Variants in FGF14 observed in about 807,000 individuals in gnomAD.
FGF14 encodes fibroblast growth factor 14.
In FGF14, 5 loss-of-function variants were observed where a neutral mutation model predicts 25.5. The observed-to-expected ratio is 0.20, with a 90% CI of 0.10 to 0.41. The LOEUF (loss-of-function observed/expected upper bound fraction) is 0.41. Among genes scored for constraint, FGF14 ranks in the 10% least tolerant of loss-of-function variants. FGF14 has a pLI of 1.00. For missense variants in FGF14, 222 were observed against 320.1 expected, an observed-to-expected ratio of 0.69 and a Z score of 2.34; for synonymous variants, 138 against 118.3, an observed-to-expected ratio of 1.17 and a Z score of -1.08.
chr13:102,160,816 A>C (rs981554643), intron 1 of FGF14, among the ~76,000 whole-genome samples: 5 of 152,220 alleles, frequency 3.3e-5, no homozygotes, highest in African/African-American at 9.6e-5. Flanking sequence ...TTGGTGGCAA[A>C]AAAAAACAGT....
At chr13:101,961,167 CT>C (rs2036833478) in intron 1 of FGF14, among the ~76,000 whole-genome samples, 1 of 152,154 alleles carries the variant, frequency 6.6e-6, no homozygotes, top group African/African-American at 2.4e-5. Context: ...GTTTCTTTCA[CT>C]GTGCAGAAGC....
chr13:102,166,386 T>A (rs1412113342), intron 1 of FGF14, among the ~76,000 whole-genome samples: 1 of 152,050 alleles, frequency 6.6e-6, no homozygotes, highest in Non-Finnish European at 1.5e-5. Flanking sequence ...CTTGCGGGAC[T>A]TTCTCCGTCA....
chr13:101,964,075 C>A (rs2037035367), intron 1 of FGF14, among the ~76,000 whole-genome samples: 1 of 152,072 alleles, frequency 6.6e-6, no homozygotes, highest in Non-Finnish European at 1.5e-5. Context: ...ATCTTAAAAC[C>A]ACGATTTTCT....
Position 101,720,530 on chromosome 13 carries a change from CTG to C in FGF14, c.*2299_*2300del, listed in dbSNP as rs56200654. The C allele has an allele frequency of 0.29, 43,165 of 147,400 alleles. 6,546 individuals are homozygous for C. Among genetic ancestry groups the C allele is most frequent in the East Asian group, 0.45 (2,228 of 4,920 alleles). 9.1% of individuals were successfully genotyped at this position (147,400 alleles called of 1,614,324 possible). A position where few individuals can be genotyped will look rare whatever the true frequency, so the allele number is the denominator to read the frequency against. On this transcript the variant is annotated 3_prime_UTR_variant, in exon 5 of 5. Coordinates refer to ENST00000376143, the MANE Select transcript of FGF14 (RefSeq NM_004115.4). ...TAACAAATAGATGGGGGTGTTTGCT[CTG>C]TGTGTGTGTGTGTGTGTGTGTGTGT... is the stretch of plus-strand genomic sequence containing the variant.
At chr13:102,163,586 G>C (rs900261837) in intron 1 of FGF14, among the ~76,000 whole-genome samples, 6 of 152,106 alleles carry the variant, frequency 3.9e-5, no homozygotes, top group Non-Finnish European at 7.4e-5. Context: ...GAAATCTCTG[G>C]GGGGTTCTCA....
At chr13:102,006,416 A>G (rs2039788018) in intron 1 of FGF14, among the ~76,000 whole-genome samples, 1 of 152,218 alleles carries the variant, frequency 6.6e-6, no homozygotes, top group South Asian at 2.1e-4. Flanking sequence ...GTTAACCACA[A>G]GGTAGATCTG....
intron 3 of FGF14, among the ~76,000 whole-genome samples, chr13:101,830,451 CAAG>C (rs1445658886): frequency 2.0e-5 from 3 of 151,944 alleles, no homozygotes; most frequent in African/African-American, 7.3e-5. Context: ...CAGTATGAGA[CAAG>C]AAGGACTAAA....
rs9634529 is a variant in FGF14 at position 102,117,757 on chromosome 13, T to C, written c.209-242461A>G. 7.2e-3 allele frequency among the ~76,000 whole-genome samples: 1,092 copies of C among 152,224 alleles called. 43 individuals carry two copies. In the East Asian group the frequency reaches 0.09, roughly 13 times the overall value. On this transcript the variant is annotated intron_variant, in intron 1 of 4. Coordinates refer to the FGF14 transcript ENST00000376131. ...AAAATACTGTGTAGAATGATATATATGGTGTGCAACATTTGGTAAGGACAG... is the reference window on the plus strand; with the variant it reads ...AAAATACTGTGTAGAATGATATATACGGTGTGCAACATTTGGTAAGGACAG...
At chr13:101,727,968 G>T (rs564439160) in intron 3 of FGF14, among the ~76,000 whole-genome samples, 17 of 151,946 alleles carry the variant, frequency 1.1e-4, no homozygotes, top group Non-Finnish European at 1.8e-4. Flanking sequence ...ATAATTTTTG[G>T]TTTTCTTCTA....
At chr13:102,347,175 CAGG>C (rs1294576651) in intron 1 of FGF14, among the ~76,000 whole-genome samples, 1 of 152,044 alleles carries the variant, frequency 6.6e-6, no homozygotes, top group Non-Finnish European at 1.5e-5. Context: ...CAGAAGTGGA[CAGG>C]AGAAGCAGAC....
chr13:102,011,072 TGA>T (rs1180571956), intron 1 of FGF14, among the ~76,000 whole-genome samples: 2 of 152,172 alleles, frequency 1.3e-5, no homozygotes, highest in South Asian at 2.1e-4. Flanking sequence ...TATGAGAGGA[TGA>T]GAGTCCCATC....
chr13:102,380,901 G>T (rs2058168851), intron 1 of FGF14, among the ~76,000 whole-genome samples: 1 of 151,980 alleles, frequency 6.6e-6, no homozygotes, highest in East Asian at 1.9e-4. Flanking sequence ...CTTATAATGG[G>T]GTTATGTCCC....
chr13:102,160,689 C>G (rs1011453046), intron 1 of FGF14, among the ~76,000 whole-genome samples: 4 of 151,976 alleles, frequency 2.6e-5, no homozygotes, highest in Non-Finnish European at 4.4e-5. Flanking sequence ...ACAAAAAATG[C>G]TAGAATATCC....
chr13:102,220,793 C>T (rs1206087452), intron 1 of FGF14, among the ~76,000 whole-genome samples: 1 of 152,194 alleles, frequency 6.6e-6, no homozygotes, highest in Admixed American at 6.5e-5. Context: ...CCTTCCAGAG[C>T]ATAAGATTAT....
chr13:102,074,301 C>T (rs1292494787), intron 1 of FGF14, among the ~76,000 whole-genome samples: 1 of 152,196 alleles, frequency 6.6e-6, no homozygotes, highest in East Asian at 1.9e-4. Context: ...GCATGAGCCA[C>T]CACGCCCAGC....
At chr13:101,793,233 G>T (rs1211007925) in intron 3 of FGF14, among the ~76,000 whole-genome samples, 4 of 152,058 alleles carry the variant, frequency 2.6e-5, no homozygotes, top group Middle Eastern at 3.4e-3. Flanking sequence ...GAGTGCAATT[G>T]TTTTACATTC....
chr13:102,401,381 T>TTCC, intron 1 of FGF14: 1 of 1,240,168 alleles, frequency 8.1e-7, no homozygotes, highest in Non-Finnish European at 1.2e-6. Flanking sequence ...TTCCCCTGCC[T>TTCC]TCCTGCATAG....
chr13:102,363,272 T>C (rs2057618097), intron 1 of FGF14, among the ~76,000 whole-genome samples: 1 of 152,236 alleles, frequency 6.6e-6, no homozygotes, highest in Admixed American at 6.5e-5. Flanking sequence ...TTAGAGTTGC[T>C]AATTTATTTA....
chr13:102,220,867 C>T (rs575722815), intron 1 of FGF14, among the ~76,000 whole-genome samples: 10 of 152,308 alleles, frequency 6.6e-5, no homozygotes, highest in African/African-American at 2.2e-4. Context: ...TTGGTCTCAG[C>T]TCAGCCTCTC....
Sources: allele counts gnomAD v4.1 joint callset (sites outside exome capture counted in the v4.1 genomes callset), GRCh38; gene constraint gnomAD v4.1.1; transcripts MANE v1.5; gene names NCBI Gene and HGNC (gene_info 2026-07-23, HGNC 2026-07-21).